Variants in SLC44A5 observed in about 807,000 individuals in gnomAD.
SLC44A5 encodes the protein choline transporter-like protein 5.
SLC44A5 carries 57 observed loss-of-function variants against 101.8 expected under a neutral mutation model. The observed-to-expected ratio is 0.56, with a 90% CI of 0.45 to 0.70. The LOEUF is 0.70. SLC44A5 is among the 30% of genes least tolerant of loss of function. The probability of loss-of-function intolerance (pLI) is 0.00; values close to 1 mark genes in which losing one functional copy is unlikely to be tolerated. For synonymous variants in SLC44A5, 281 were observed against 290.9 expected (o/e 0.97, Z 0.35); for missense variants, 737 against 853.1 (o/e 0.86, Z 1.70).
At chr1:75,346,025 C>T (rs1658226833) in intron 3 of SLC44A5, among the ~76,000 whole-genome samples, 1 of 151,968 alleles carries the variant, frequency 6.6e-6, no homozygotes, top group South Asian at 2.1e-4. Flanking sequence ...GGCATGGTAC[C>T]CTACATCATC....
chr1:75,650,278 A>G, the SLC44A5 span, among the ~76,000 whole-genome samples: 5 of 152,320 alleles, frequency 3.3e-5, no homozygotes, highest in Admixed American at 1.3e-4. Flanking sequence ...ATGCACATGC[A>G]GCGTGTTGTA....
At position 75,519,622 on chromosome 1, in the gene SLC44A5, C is replaced by T. The variant is rs1285885707; in HGVS notation, c.13+21813G>A. On this transcript the variant is annotated intron_variant, in intron 2 of 23. Coordinates refer to ENST00000370859, the MANE Select transcript of SLC44A5 (RefSeq NM_001130058.2). Reference sequence around the variant, plus strand: ...ATACACACAATTCTCAATAACAAAACACAGGAAACCTATTATGTTTGAAAA... The same window carrying T: ...ATACACACAATTCTCAATAACAAAATACAGGAAACCTATTATGTTTGAAAA... Among the ~76,000 whole-genome samples, 3 of 152,228 alleles carry T rather than the reference C, an allele frequency of 2.0e-5. No homozygotes were observed. In the East Asian group the frequency reaches 5.8e-4, roughly 29 times the overall value.
the SLC44A5 span, among the ~76,000 whole-genome samples, chr1:75,702,964 C>T: frequency 2.6e-5 from 4 of 151,968 alleles, no homozygotes; most frequent in African/African-American, 7.3e-5. Flanking sequence ...AATGAGATAC[C>T]ACCTCACACC....
chr1:75,396,158 A>T (rs1557740585), intron 3 of SLC44A5, among the ~76,000 whole-genome samples: 1 of 152,158 alleles, frequency 6.6e-6, no homozygotes, highest in Non-Finnish European at 1.5e-5. Flanking sequence ...TATGGGGCTG[A>T]CTAAGGAGAG....
At chr1:75,610,716 G>T (rs966521299) in intron 1 of SLC44A5, among the ~76,000 whole-genome samples, 1 of 151,966 alleles carries the variant, frequency 6.6e-6, no homozygotes, top group African/African-American at 2.4e-5. Context: ...AAATATTGTC[G>T]ATATTTTGGT....
At chr1:75,339,655 A>G in intron 3 of SLC44A5, 25 bp from the exon 4 acceptor site, 1 of 1,587,142 alleles carries the variant, frequency 6.3e-7, no homozygotes, top group Non-Finnish European at 8.6e-7. Context: ...AAGACATTTT[A>G]AGCATATAAG....
chr1:75,335,065 A>C (rs1657337763), intron 4 of SLC44A5, among the ~76,000 whole-genome samples: 1 of 152,196 alleles, frequency 6.6e-6, no homozygotes, highest in Non-Finnish European at 1.5e-5. Flanking sequence ...TTCTCCAATG[A>C]GTTCCCACTG....
intron 5 of SLC44A5, among the ~76,000 whole-genome samples, chr1:75,277,974 A>G (rs1250192587): frequency 6.6e-6 from 1 of 152,128 alleles, no homozygotes; most frequent in Non-Finnish European, 1.5e-5. Flanking sequence ...TGTCCCTATT[A>G]ATAAATTAAG....
At chr1:75,494,574 C>T (rs981830873) in intron 2 of SLC44A5, among the ~76,000 whole-genome samples, 1 of 152,260 alleles carries the variant, frequency 6.6e-6, no homozygotes, top group East Asian at 1.9e-4. Flanking sequence ...AAAACCAAGC[C>T]TCCAACTTCT....
chr1:75,450,043 T>C lies in SLC44A5; in HGVS notation c.14-53422A>G, dbSNP rs536062818. ...CAGGATAATGCATAATGATCAACTT[T>C]GTGAGCTTTATTTAATTCAAGAAGA... On this transcript the variant is annotated intron_variant, in intron 2 of 23. Transcript: ENST00000370859. Among the ~76,000 whole-genome samples, 8 of 152,258 alleles carry C rather than the reference T, an allele frequency of 5.3e-5. No individual in the cohort carries two copies. The East Asian group carries it at 1.5e-3, about 29-fold the overall frequency.
At chr1:75,265,744 C>G (rs1449272122) in intron 6 of SLC44A5, among the ~76,000 whole-genome samples, 1 of 152,078 alleles carries the variant, frequency 6.6e-6, no homozygotes, top group Non-Finnish European at 1.5e-5. Flanking sequence ...AGAGCATTGT[C>G]CTCTTAATCT....
intron 2 of SLC44A5, among the ~76,000 whole-genome samples, chr1:75,486,251 A>G (rs1369650480): frequency 6.6e-6 from 1 of 152,242 alleles, no homozygotes; most frequent in Non-Finnish European, 1.5e-5. Flanking sequence ...TCCTTGATAT[A>G]GACAAGAAAA....
At chr1:75,462,277 G>C (rs764206501) in intron 2 of SLC44A5, among the ~76,000 whole-genome samples, 2 of 152,148 alleles carry the variant, frequency 1.3e-5, no homozygotes, top group Non-Finnish European at 2.9e-5. Flanking sequence ...GCTTGTCCAA[G>C]AACATCAAGG....
chr1:75,388,353 C>T (rs984737981), intron 3 of SLC44A5, among the ~76,000 whole-genome samples: 2 of 150,656 alleles, frequency 1.3e-5, no homozygotes, highest in Non-Finnish European at 3.0e-5. Flanking sequence ...CTTGCTACCA[C>T]AAAAACACAT....
At chr1:75,318,116 C>T (rs923488465) in intron 4 of SLC44A5, among the ~76,000 whole-genome samples, 14 of 152,106 alleles carry the variant, frequency 9.2e-5, no homozygotes, top group African/African-American at 3.4e-4. Context: ...GTGGCTCATG[C>T]CTGTAATTCC....
intron 12 of SLC44A5, 26 bp from the exon 13 acceptor site, chr1:75,227,883 A>T: frequency 6.4e-7 from 1 of 1,556,442 alleles, no homozygotes; most frequent in East Asian, 2.3e-5. Flanking sequence ...AAAACAGAAT[A>T]ATATAAAATA....
chr1:75,677,559 A>C, the SLC44A5 span, among the ~76,000 whole-genome samples: 1 of 152,206 alleles, frequency 6.6e-6, no homozygotes, highest in African/African-American at 2.4e-5. Flanking sequence ...GACAGAAAGG[A>C]AAGGAAGAAG....
intron 2 of SLC44A5, among the ~76,000 whole-genome samples, chr1:75,444,845 C>G (rs116747324): frequency 0.017 from 2,663 of 152,188 alleles, 30 homozygotes; most frequent in Non-Finnish European, 0.028. Flanking sequence ...ATGAAGTACT[C>G]TTCTGAGCCA....
At chr1:75,475,253 G>A (rs1667319070) in intron 2 of SLC44A5, among the ~76,000 whole-genome samples, 1 of 152,182 alleles carries the variant, frequency 6.6e-6, no homozygotes. Flanking sequence ...ATCATTTGAG[G>A]AAACCTTGTA....
Sources: gnomAD v4.1 joint callset for allele counts (sites outside exome capture counted in the v4.1 genomes callset) on GRCh38, gnomAD v4.1.1 for gene constraint, MANE v1.5 for transcripts, NCBI Gene and HGNC (gene_info 2026-07-23, HGNC 2026-07-21) for gene names.